Variants in GDI2 observed in about 807,000 individuals in gnomAD.
GDI2 encodes GDP dissociation inhibitor 2, also known as rab GDP dissociation inhibitor beta.
In GDI2, 22 loss-of-function variants were observed where a neutral mutation model predicts 54.2. The ratio of observed to expected loss-of-function variants is 0.41; its 90% confidence interval spans 0.29 to 0.58. GDI2 has a LOEUF of 0.58. GDI2 is among the 20% of genes least tolerant of loss of function. The pLI is 0.35. For missense variants in GDI2, 422 were observed against 546.0 expected, an observed-to-expected ratio of 0.77 and a Z score of 2.26; for synonymous variants, 177 against 182.1, an observed-to-expected ratio of 0.97 and a Z score of 0.23.
chr10:5,813,130 G>A (rs865994498), intron 1 of GDI2, 84 bp downstream of exon 1: 10 of 788,224 alleles, frequency 1.3e-5, no homozygotes, highest in South Asian at 5.2e-5. Flanking sequence ...GACCCCCGAG[G>A]AGCTGCGACC....
rs1588962379 is a variant in GDI2, at chr10:5,766,287, C to A, written c.1145G>T (p.Ser382Ile). The A allele has an allele frequency of 3.7e-6, 6 of 1,612,762 alleles. No individual in the cohort carries two copies. In the East Asian group the frequency reaches 1.3e-4, roughly 36 times the overall value. ...LLEPIEQKFV[S>I]ISDLLVPKDL... Reference sequence around the variant, plus strand: ...TTTTGGTACCAGGAGGTCACTGATGCTAACAAATCTGGAGGGAGAGAGAAT... The same window carrying A: ...TTTTGGTACCAGGAGGTCACTGATGATAACAAATCTGGAGGGAGAGAGAAT... The change falls in exon 10 of 11, where the codon AGC becomes ATC. Residue 382 changes from serine (S) to isoleucine (I), a missense_variant. Transcript: ENST00000380191. This position sits in a 1 kb window ranked among gnomAD's most constrained non-coding sequence, Gnocchi z 5.8.
Position 5,777,779 on chromosome 10 carries a change from T to C in GDI2, c.720-3838A>G, listed in dbSNP as rs574713853. The stretch of plus-strand genomic sequence containing the variant: ...ATACCATCTGACCCAGCAATCCCAT[T>C]ACTGGGTATATACCCAAAGGATTAT... On this transcript the variant is annotated intron_variant, in intron 6 of 10. Transcript: ENST00000380191. 2.0e-5 allele frequency among the ~76,000 whole-genome samples: 3 copies of C among 152,302 alleles called. No homozygotes were observed. In the South Asian group the frequency reaches 6.2e-4, roughly 32 times the overall value.
At chr10:5,792,591 TA>T (rs997916485) in intron 4 of GDI2, among the ~76,000 whole-genome samples, 1 of 151,252 alleles carries the variant, frequency 6.6e-6, no homozygotes, top group Non-Finnish European at 1.5e-5. Flanking sequence ...TCAAAATGCA[TA>T]AAAGTGTTTA....
chr10:5,799,242 CAGG>C lies in GDI2; in HGVS notation c.153+1353_153+1355del, dbSNP rs568744222. 9.9e-5 allele frequency among the ~76,000 whole-genome samples: 15 copies of C among 152,238 alleles called. No individual in the cohort carries two copies. In the East Asian group the frequency reaches 2.9e-3, roughly 29 times the overall value. On this transcript the variant is annotated intron_variant, in intron 2 of 10. Coordinates refer to ENST00000380191, the MANE Select transcript of GDI2 (RefSeq NM_001494.4). ...AGCCCCGCTACTTAGGAGGCTGATACAGGAGGATCGTTTGAGCCCAGGAGTTCA... is the reference window on the plus strand; with the variant it reads ...AGCCCCGCTACTTAGGAGGCTGATACAGGATCGTTTGAGCCCAGGAGTTCA...
At chr10:5,795,836 C>T (rs1207684875) in intron 3 of GDI2, among the ~76,000 whole-genome samples, 1 of 152,150 alleles carries the variant, frequency 6.6e-6, no homozygotes, top group African/African-American at 2.4e-5. Flanking sequence ...GTGAGAGGAT[C>T]ACTTGAACCT....
chr10:5,793,461 T>C (rs1324756747), intron 4 of GDI2, among the ~76,000 whole-genome samples: 1 of 152,228 alleles, frequency 6.6e-6, no homozygotes, highest in Non-Finnish European at 1.5e-5. Context: ...CCTTCCCCAA[T>C]TATCAGTCCT....
chr10:5,766,040 T>C lies in GDI2; in HGVS notation c.1304A>G (p.Lys435Arg), dbSNP rs762772525. The C allele has an allele frequency of 1.3e-6, 2 of 1,590,186 alleles. No homozygotes were observed. The highest frequency in any genetic ancestry group is 1.7e-6 in the Non-Finnish European group (2 of 1,173,598). ...TGSEFDFEEM[K>R]RKKNDIYGED is the part of the protein sequence containing the mutation. ...CCCATAGATGTCATTCTTCTTGCGC[T>C]TCATTTCCTCAAAGTCAAACTCTGA... is the stretch of plus-strand genomic sequence containing the variant. The change falls in exon 11 of 11, where the codon AAG becomes AGG. Residue 435 changes from lysine (K) to arginine (R), a missense_variant. By Grantham distance (26) the Lys-to-Arg change is conservative. Transcript: ENST00000380191. This position sits in a 1 kb window ranked among gnomAD's most constrained non-coding sequence, Gnocchi z 5.8.
chr10:5,813,235 G>C lies in GDI2; in HGVS notation c.24C>G (p.Ile8Met). The C allele has an allele frequency of 6.3e-7, 1 of 1,595,538 alleles. No homozygotes were observed. The highest frequency in any genetic ancestry group is 8.5e-7 in the Non-Finnish European group (1 of 1,173,146). The change falls in exon 1 of 11, where the codon ATC becomes ATG. Residue 8 changes from isoleucine (I) to methionine (M), a missense_variant. By Grantham distance (10) the Ile-to-Met change is conservative. Transcript: ENST00000380191. The part of the protein sequence containing the change: MNEEYDV[I>M]VLGTGLTECI... ...CCACCGTCAGGCCGGTGCCCAGCAC[G>C]ATCACGTCGTACTCCTCATTCATGG...
chr10:5,802,100 G>A (rs976540871), intron 1 of GDI2, among the ~76,000 whole-genome samples: 1 of 152,162 alleles, frequency 6.6e-6, no homozygotes, highest in African/African-American at 2.4e-5. Context: ...AATACAGACA[G>A]CACTTCAGCT....
chr10:5,788,838 C>G (rs1012548057), intron 4 of GDI2, among the ~76,000 whole-genome samples: 3 of 152,086 alleles, frequency 2.0e-5, no homozygotes, highest in Non-Finnish European at 4.4e-5. Flanking sequence ...TTTCGGCTCA[C>G]TGCAACCTCT....
Position 5,776,644 on chromosome 10 carries a change from G to C in GDI2, c.720-2703C>G. The C allele has an allele frequency of 6.7e-7, 1 of 1,485,134 alleles. No individual in the cohort carries two copies. Among genetic ancestry groups the C allele is most frequent in the Non-Finnish European group, 9.4e-7 (1 of 1,067,874 alleles). The allele number at this position is 1,485,134 out of a possible 1,614,324, so 92.0% of individuals were successfully genotyped here. A position where few individuals can be genotyped will look rare whatever the true frequency, so the allele number is the denominator to read the frequency against. ...TTCTAAATGGTCCAATAGAAAAGGA[G>C]CTGGATGTAGATGCTGATTTTGTAG... On this transcript the variant is annotated intron_variant, in intron 6 of 10. Coordinates refer to ENST00000380191, the MANE Select transcript of GDI2 (RefSeq NM_001494.4). The surrounding 1 kb of genome is among the most constrained non-coding windows in gnomAD (Gnocchi z 5.3).
At position 5,765,994 on chromosome 10, in the gene GDI2, CAT is replaced by C. The variant is rs1482413036; in HGVS notation, c.*10_*11del. 2.6e-6 allele frequency: 4 copies of C among 1,563,324 alleles called. No individual in the cohort carries two copies. Among genetic ancestry groups the C allele is most frequent in the African/African-American group, 1.4e-5 (1 of 72,200 alleles). On this transcript the variant is annotated 3_prime_UTR_variant, in exon 11 of 11. Transcript: ENST00000380191. Reference sequence around the variant, plus strand: ...TAAATGTGTCCTAATTACATAATAACATGTACTGCTGTTAGTCTTCCCCATAG... The same window carrying C: ...TAAATGTGTCCTAATTACATAATAACGTACTGCTGTTAGTCTTCCCCATAG...
At chr10:5,797,567 A>AAC (rs1306130431) in intron 2 of GDI2, among the ~76,000 whole-genome samples, 1 of 148,188 alleles carries the variant, frequency 6.7e-6, no homozygotes, top group African/African-American at 2.5e-5. Context: ...AAAAAAAAAA[A>AAC]ATTAGCGGGG....
intron 1 of GDI2, among the ~76,000 whole-genome samples, chr10:5,811,551 TG>T (rs1841479783): frequency 6.6e-6 from 1 of 151,190 alleles, no homozygotes. Context: ...AGAAAAACGG[TG>T]GAACTAACCG....
rs190487239 is a variant in GDI2, at chr10:5,813,420, G to C, written c.-162C>G. ...GGCGAGACCGACCGCCACCTCAGAC[G>C]GGAAGAGAAGAACTGGGCGGGGAGA... On this transcript the variant is annotated 5_prime_UTR_variant, in exon 1 of 11. Coordinates refer to ENST00000380191, the MANE Select transcript of GDI2 (RefSeq NM_001494.4). 1,103 of 520,290 alleles carry C rather than the reference G, an allele frequency of 2.1e-3. 10 individuals are homozygous for C. Among genetic ancestry groups the C allele is most frequent in the African/African-American group, 0.018 (900 of 49,686 alleles). 32.2% of individuals were successfully genotyped at this position (520,290 alleles called of 1,614,324 possible).
rs35328258 is a variant in GDI2, at chr10:5,786,165, A to ATTTTTTT, written c.389-122_389-116dup. 10 of 385,968 alleles carry ATTTTTTT rather than the reference A, an allele frequency of 2.6e-5. 1 individual carries two copies. The highest frequency in any genetic ancestry group is 4.6e-5 in the East Asian group (1 of 21,556). 23.9% of individuals were successfully genotyped at this position (385,968 alleles called of 1,614,324 possible). A position where few individuals can be genotyped will look rare whatever the true frequency, so the allele number is the denominator to read the frequency against. Reference sequence around the variant, plus strand: ...TATCAACTGCGGAATGCAGGATGCAATTTTTTTTTTTTTTTTTTTTTTTGA... The same window carrying ATTTTTTT: ...TATCAACTGCGGAATGCAGGATGCAATTTTTTTTTTTTTTTTTTTTTTTTTTTTTTGA... On this transcript the variant is annotated intron_variant, in intron 4 of 10. Transcript: ENST00000380191.
At chr10:5,775,713 T>C (rs1415551834) in intron 6 of GDI2, among the ~76,000 whole-genome samples, 2 of 152,124 alleles carry the variant, frequency 1.3e-5, no homozygotes, top group Admixed American at 6.5e-5. Context: ...GCAGAGATTA[T>C]AGAGGAAGGA....
chr10:5,813,425 G>C lies in GDI2; in HGVS notation c.-167C>G, dbSNP rs374187605. The stretch of plus-strand genomic sequence containing the variant: ...GACCGACCGCCACCTCAGACGGGAA[G>C]AGAAGAACTGGGCGGGGAGAGGAGG... On this transcript the variant is annotated 5_prime_UTR_variant, in exon 1 of 11. Transcript: ENST00000380191. 4 of 373,146 alleles carry C rather than the reference G, an allele frequency of 1.1e-5. No homozygotes were observed. The highest frequency in any genetic ancestry group is 2.0e-5 in the Non-Finnish European group (4 of 200,128). 23.1% of individuals were successfully genotyped at this position (373,146 alleles called of 1,614,324 possible).
In GDI2 at chr10:5,774,607, G is replaced by A. The variant is rs937200939; in HGVS notation, c.720-666C>T. Among the ~76,000 whole-genome samples, 3 of 152,116 alleles carry A rather than the reference G, an allele frequency of 2.0e-5. No homozygotes were observed. Among genetic ancestry groups the A allele is most frequent in the East Asian group, 1.9e-4 (1 of 5,178 alleles). On this transcript the variant is annotated intron_variant, in intron 6 of 10. Transcript: ENST00000380191. This position sits in a 1 kb window ranked among gnomAD's most constrained non-coding sequence, Gnocchi z 4.8. ...CTGCATCCATAGCTTATCCCTCCTC[G>A]CTCACCCTGATGGATGGCTCTTCGG...
Sources: gnomAD v4.1 joint callset for allele counts (sites outside exome capture counted in the v4.1 genomes callset) on GRCh38, gnomAD v4.1.1 for gene constraint, Gnocchi (gnomAD v3.1) non-coding constraint, MANE v1.5 for transcripts, NCBI Gene and HGNC (gene_info 2026-07-23, HGNC 2026-07-21) for gene names.